The following MDN1 variants were observed in gnomAD, a reference collection of about 807,000 sequenced individuals.
MDN1 encodes midasin.
In MDN1, 266 loss-of-function variants were observed where a neutral mutation model predicts 669.2. That is an observed-to-expected ratio of 0.40 (90% CI 0.36 to 0.44). The LOEUF is 0.44. Ranked by LOEUF, MDN1 falls within the 20% of genes least tolerant of loss-of-function variation. The probability of loss-of-function intolerance (pLI) is 1.00; values close to 1 mark genes in which losing one functional copy is unlikely to be tolerated. For synonymous variants in MDN1, 2,385 were observed against 2,457.1 expected (o/e 0.97, Z 0.87); for missense variants, 5,940 against 6,754.0 (o/e 0.88, Z 4.22).
At chr6:89,655,167 C>T (rs1330739819) in intron 92 of MDN1, among the ~76,000 whole-genome samples, 1 of 151,862 alleles carries the variant, frequency 6.6e-6, no homozygotes, top group African/African-American at 2.4e-5. Flanking sequence ...CAGTCATTTT[C>T]GTACCATCCT....
chr6:89,680,364 G>A (rs1416542415), intron 74 of MDN1, among the ~76,000 whole-genome samples: 1 of 152,232 alleles, frequency 6.6e-6, no homozygotes, highest in African/African-American at 2.4e-5. Flanking sequence ...AGATGGCACA[G>A]TGCCAAGTTA....
chr6:89,656,814 A>C lies in MDN1; in HGVS notation c.15184-13T>G. ...CACTTCCGTGTTCCTAGGAAATCCAAGCCACAAAAGAATGAGGTGAAAGAA... is the reference window on the plus strand; with the variant it reads ...CACTTCCGTGTTCCTAGGAAATCCACGCCACAAAAGAATGAGGTGAAAGAA... On this transcript the variant is annotated splice_polypyrimidine_tract_variant and intron_variant, in intron 90 of 101. Transcript: ENST00000369393. 1 of 1,607,826 alleles carries C rather than the reference A, an allele frequency of 6.2e-7. No individual in the cohort carries two copies. The highest frequency in any genetic ancestry group is 1.3e-5 in the African/African-American group (1 of 74,726).
Position 89,819,546 on chromosome 6 carries a change from T to C in MDN1, c.62A>G (p.Glu21Gly). 1 of 1,605,130 alleles carries C rather than the reference T, an allele frequency of 6.2e-7. No homozygotes were observed. The highest frequency in any genetic ancestry group is 8.5e-7 in the Non-Finnish European group (1 of 1,179,956). ...CCTGCCCAACTCACTGCGGCTCTTC[T>C]CGTTCTTGGCTGCGATTAACCGCAG... The part of the protein sequence containing the change: ...APLRLIAAKN[E>G]KSRSELGRFL... Residue 21 changes from glutamate (E) to glycine (G), a missense_variant, in exon 1 of 102, where the codon GAG becomes GGG. Glu to Gly is a moderately conservative substitution (Grantham distance 98). Coordinates refer to ENST00000369393, the MANE Select transcript of MDN1 (RefSeq NM_014611.3).
chr6:89,769,105 C>A (rs1308550589), intron 15 of MDN1, among the ~76,000 whole-genome samples: 1 of 151,866 alleles, frequency 6.6e-6, no homozygotes, highest in Non-Finnish European at 1.5e-5. Context: ...ATTTAACATA[C>A]TGGACACATG....
In MDN1 at chr6:89,683,116, T is replaced by C. The variant is rs1811757918; in HGVS notation, c.12102+16A>G. 4 of 1,613,416 alleles carry C rather than the reference T, an allele frequency of 2.5e-6. No homozygotes were observed. The highest frequency in any genetic ancestry group is 2.2e-5 in the South Asian group (2 of 90,968). ...CTGGCTTGGGAATAAGCCAGCACTG[T>C]CCCACAACCAAGTACCTGCCCAGCT... On this transcript the variant is annotated intron_variant, in intron 73 of 101. Coordinates refer to ENST00000369393, the MANE Select transcript of MDN1 (RefSeq NM_014611.3).
At chr6:89,662,728 T>C (rs1348766121) in intron 86 of MDN1, 64 bp downstream of exon 86, 1 of 1,519,250 alleles carries the variant, frequency 6.6e-7, no homozygotes, top group African/African-American at 1.4e-5. Context: ...TGACAGAGAA[T>C]GGTAGGTTGT....
chr6:89,791,277 T>C (rs987600214), intron 5 of MDN1, among the ~76,000 whole-genome samples: 1 of 152,150 alleles, frequency 6.6e-6, no homozygotes, highest in Non-Finnish European at 1.5e-5. Context: ...GGATTTCCCA[T>C]CTAAGATCAC....
At chr6:89,761,906 G>C (rs1436480087) in intron 16 of MDN1, among the ~76,000 whole-genome samples, 158 bp from the exon 17 acceptor site, 1 of 152,148 alleles carries the variant, frequency 6.6e-6, no homozygotes, top group Non-Finnish European at 1.5e-5. Flanking sequence ...TGCCAGACAT[G>C]ACACTAATTA....
chr6:89,658,759 C>T lies in MDN1; in HGVS notation c.14872G>A (p.Asp4958Asn). ...DDKAEGEEEM[D>N]TGADDQDGDA... ...CCATCTTGGTCATCAGCTCCTGTGT[C>T]CATTTCCTCTTCCCCTTCTGCCTTG... The change falls in exon 89 of 102, where the codon GAC becomes AAC. Residue 4958 changes from aspartate to asparagine, a missense_variant. Coordinates refer to ENST00000369393, the MANE Select transcript of MDN1 (RefSeq NM_014611.3). 4.3e-6 allele frequency: 7 copies of T among 1,614,162 alleles called. No individual in the cohort carries two copies. The highest frequency in any genetic ancestry group is 5.1e-6 in the Non-Finnish European group (6 of 1,180,034).
At position 89,713,467 on chromosome 6, in the gene MDN1, G is replaced by A. The variant is rs113584273; in HGVS notation, c.7070-171C>T. ...AGTCCTCCGAGGGCACAAAGGACCT[G>A]TAGGAACCTTTGTATTCCTATCTCC... On this transcript the variant is annotated intron_variant, in intron 46 of 101. Transcript: ENST00000369393. 7.4e-4 allele frequency among the ~76,000 whole-genome samples: 113 copies of A among 152,274 alleles called. 2 individuals carry two copies. The highest frequency in any genetic ancestry group is 2.6e-3 in the African/African-American group (107 of 41,562).
chr6:89,727,907 C>G lies in MDN1; in HGVS notation c.5398G>C (p.Gly1800Arg), dbSNP rs775389986. 1.9e-6 allele frequency: 3 copies of G among 1,614,016 alleles called. No homozygotes were observed. The South Asian group carries it at 3.3e-5, about 18-fold the overall frequency. Residue 1800 changes from glycine (G) to arginine (R), a missense_variant, in exon 37 of 102, where the codon GGA becomes CGA. Gly to Arg is a moderately radical substitution (Grantham distance 125). Around this residue, in one of 5 missense-constraint regions of MDN1, gnomAD observed 2,292 missense variants for 2,638.3 expected, o/e 0.87. Transcript: ENST00000369393. ...CCATCACGCCAGGCAAACTCTCCTC[C>G]CTTGCCACCTTCAACAGGTAGATCT... ...GADLPVEGGKGGEFAWRDGPL... is the reference protein window; with the variant it reads ...GADLPVEGGKRGEFAWRDGPL...
intron 82 of MDN1, 35 bp downstream of exon 82, chr6:89,672,165 G>T: frequency 6.5e-7 from 1 of 1,536,960 alleles, no homozygotes; most frequent in African/African-American, 1.4e-5. Context: ...AGTGCATTCT[G>T]AAGAGGAAGA....
rs549510806 is a variant in MDN1 at position 89,669,009 on chromosome 6, A to G, written c.13957-858T>C. Among the ~76,000 whole-genome samples, 10 of 152,362 alleles carry G rather than the reference A, an allele frequency of 6.6e-5. No individual in the cohort carries two copies. The South Asian group carries it at 1.9e-3, about 28-fold the overall frequency. On this transcript the variant is annotated intron_variant, in intron 83 of 101. Coordinates refer to ENST00000369393, the MANE Select transcript of MDN1 (RefSeq NM_014611.3). ...CCCATTGAACTACATTATTTAAATGAGAGACATTCAGAAATAGACAAAGAA... is the reference window on the plus strand; with the variant it reads ...CCCATTGAACTACATTATTTAAATGGGAGACATTCAGAAATAGACAAAGAA...
chr6:89,647,143 G>C (rs1235018298), intron 99 of MDN1, among the ~76,000 whole-genome samples: 1 of 152,154 alleles, frequency 6.6e-6, no homozygotes, highest in African/African-American at 2.4e-5. Context: ...ACCCACTAGA[G>C]TTCTGGAAGA....
At chr6:89,669,809 T>C (rs1810511125) in intron 83 of MDN1, among the ~76,000 whole-genome samples, 1 of 152,106 alleles carries the variant, frequency 6.6e-6, no homozygotes, top group Non-Finnish European at 1.5e-5. Flanking sequence ...TTTCACTGTC[T>C]ACTGCCCCTG....
At position 89,718,617 on chromosome 6, in the gene MDN1, A is replaced by G. The variant is rs1380699012; in HGVS notation, c.6332T>C (p.Ile2111Thr). 5.6e-6 allele frequency: 9 copies of G among 1,613,704 alleles called. No homozygotes were observed. Among genetic ancestry groups the G allele is most frequent in the African/African-American group, 1.3e-5 (1 of 74,938 alleles). Residue 2111 changes from isoleucine to threonine, a missense_variant, in exon 43 of 102, where the codon ATA becomes ACA. This residue lies in a region of MDN1 where 2,292 missense variants were observed against 2,638.3 expected (regional missense o/e 0.87). Coordinates refer to ENST00000369393, the MANE Select transcript of MDN1 (RefSeq NM_014611.3). ...LLGGFEQVDL[I>T]RPWRRLLEKV... is the part of the protein sequence containing the mutation. ...CTCTAGCAGCCTCCTCCAAGGTCGTATAAGATCAACCTGTAATTTCCAGAG... is the reference window on the plus strand; with the variant it reads ...CTCTAGCAGCCTCCTCCAAGGTCGTGTAAGATCAACCTGTAATTTCCAGAG...
At chr6:89,679,803 C>G (rs893437826) in intron 74 of MDN1, among the ~76,000 whole-genome samples, 2 of 152,206 alleles carry the variant, frequency 1.3e-5, no homozygotes, top group African/African-American at 2.4e-5. Flanking sequence ...ACAAGGACAC[C>G]AAAGACATCA....
chr6:89,693,205 G>C, intron 62 of MDN1, 57 bp from the exon 63 acceptor site: 2 of 1,271,482 alleles, frequency 1.6e-6, no homozygotes, highest in Non-Finnish European at 2.2e-6. Flanking sequence ...AGCAAATCTA[G>C]ATTGGATCCT....
chr6:89,762,298 C>T, intron 16 of MDN1, 21 bp downstream of exon 16: 1 of 1,596,750 alleles, frequency 6.3e-7, no homozygotes, highest in Non-Finnish European at 8.6e-7. Flanking sequence ...TCCCCCATGG[C>T]AGCCTGGGTC....
Sources: gnomAD v4.1 joint callset for allele counts (sites outside exome capture counted in the v4.1 genomes callset) on GRCh38, gnomAD v4.1.1 for gene constraint, gnomAD v4.1.1 regional missense constraint, MANE v1.5 for transcripts, NCBI Gene and HGNC (gene_info 2026-07-23, HGNC 2026-07-21) for gene names.